MED21: variants seen among roughly 807,000 people sequenced by gnomAD.
MED21 encodes the protein mediator complex subunit 21.
MED21 carries 9 observed loss-of-function variants against 18.2 expected under a neutral mutation model. That is an observed-to-expected ratio of 0.49 (90% confidence interval 0.30 to 0.86). MED21 has a LOEUF of 0.86. Ranked by LOEUF, MED21 falls within the 40% of genes least tolerant of loss-of-function variation. The pLI, the probability that MED21 is intolerant of heterozygous loss-of-function variation, is 0.07. For synonymous variants in MED21, 73 were observed against 60.5 expected (o/e 1.21, Z -0.96); for missense variants, 150 against 170.9 (o/e 0.88, Z 0.68).
intron 1 of MED21, 23 bp from the exon 2 acceptor site, chr12:27,026,397 T>G: frequency 2.0e-6 from 3 of 1,506,420 alleles, no homozygotes; most frequent in Non-Finnish European, 2.8e-6. Flanking sequence ...TTTCTAACCT[T>G]GATATGTTTT....
chr12:27,026,484 A>G lies in MED21; in HGVS notation c.107A>G (p.Asn36Ser), dbSNP rs1309450793. 6 of 1,613,960 alleles carry G rather than the reference A, an allele frequency of 3.7e-6. No individual in the cohort carries two copies. Among genetic ancestry groups the G allele is most frequent in the Non-Finnish European group, 3.4e-6 (4 of 1,179,942 alleles). ...CAATGTGGTCCTCCTGCCTCTTTCAATAATATTCAGACAGCAATTAACAAA... is the reference window on the plus strand; with the variant it reads ...CAATGTGGTCCTCCTGCCTCTTTCAGTAATATTCAGACAGCAATTAACAAA... Reference protein sequence around the residue: ...LQQCGPPASFNNIQTAINKDQ... With the variant: ...LQQCGPPASFSNIQTAINKDQ... Residue 36 changes from asparagine to serine, a missense_variant, in exon 2 of 4, where the codon AAT (asparagine) becomes AGT (serine). Asn to Ser is a conservative substitution (Grantham distance 46, BLOSUM62 1). Coordinates refer to ENST00000282892, the MANE Select transcript of MED21 (RefSeq NM_004264.5).
downstream of MED21, among the ~76,000 whole-genome samples, chr12:27,035,661 T>G (rs1941645561): frequency 6.8e-6 from 1 of 147,134 alleles, no homozygotes; most frequent in African/African-American, 2.5e-5. Context: ...ACTGTTGAAT[T>G]CCCATCTATG....
intron 1 of MED21, among the ~76,000 whole-genome samples, chr12:27,026,187 T>C (rs1307177319): frequency 6.6e-6 from 1 of 152,238 alleles, no homozygotes; most frequent in African/African-American, 2.4e-5. Context: ...CAACTAGATT[T>C]ATATCAAATT....
chr12:27,022,609 C>G lies in MED21; in HGVS notation c.30C>G (p.Asp10Glu). The G allele has an allele frequency of 5.7e-6, 9 of 1,589,330 alleles. No individual in the cohort carries two copies. The highest frequency in any genetic ancestry group is 7.7e-6 in the Non-Finnish European group (9 of 1,163,184). The change falls in exon 1 of 4, where the codon GAC (aspartate) becomes GAG (glutamate). Residue 10 changes from aspartate (D) to glutamate (E), a missense_variant. Transcript: ENST00000282892. Reference sequence around the variant, plus strand: ...CGGATCGGCTCACGCAGCTTCAGGACGCTGTGAATTCGGTGAGGAATTTCA... The same window carrying G: ...CGGATCGGCTCACGCAGCTTCAGGAGGCTGTGAATTCGGTGAGGAATTTCA... MADRLTQLQ[D>E]AVNSLADQFC...
In MED21 at chr12:27,028,355, G is replaced by A. The variant is rs1019166367; in HGVS notation, c.329G>A (p.Arg110Gln). 5.0e-6 allele frequency: 8 copies of A among 1,613,992 alleles called. No individual in the cohort carries two copies. The highest frequency in any genetic ancestry group is 2.2e-5 in the East Asian group (1 of 44,886). The change falls in exon 4 of 4, where the codon CGA becomes CAA. Residue 110 changes from arginine to glutamine, a missense_variant. Arg to Gln is a conservative substitution (Grantham distance 43, BLOSUM62 1). Transcript: ENST00000282892. ...AATCLEDVVYRGDMLLEKIQS... is the reference protein window; with the variant it reads ...AATCLEDVVYQGDMLLEKIQS... ...ACATGTCTGGAGGATGTTGTTTATC[G>A]AGGAGACATGCTTCTGGAGAAGATA... is the stretch of plus-strand genomic sequence containing the variant.
At chr12:27,034,258 A>G (rs889357768), downstream of MED21, among the ~76,000 whole-genome samples, 2 of 152,098 alleles carry the variant, frequency 1.3e-5, no homozygotes, top group African/African-American at 4.8e-5. Flanking sequence ...TCTACTAAAA[A>G]TACAAAAAAT....
Position 27,028,399 on chromosome 12 carries a change from A to G in MED21, c.373A>G (p.Ile125Val). The part of the protein sequence containing the change: ...LEKIQSALAD[I>V]AQSQLKTRSG... ...GAAGATACAAAGCGCACTTGCTGAT[A>G]TTGCACAGTCACAGCTGAAGACAAG... The change falls in exon 4 of 4, where the codon ATT (isoleucine) becomes GTT (valine). Residue 125 changes from isoleucine (I) to valine (V), a missense_variant. Ile to Val is a conservative substitution (Grantham distance 29). Transcript: ENST00000282892. 1 of 1,614,154 alleles carries G rather than the reference A, an allele frequency of 6.2e-7. No individual in the cohort carries two copies. Among genetic ancestry groups the G allele is most frequent in the East Asian group, 2.2e-5 (1 of 44,862 alleles).
Position 27,028,465 on chromosome 12 carries a change from C to T in MED21, c.*4C>T. The T allele has an allele frequency of 6.2e-7, 1 of 1,611,176 alleles. No individual in the cohort carries two copies. Among genetic ancestry groups the T allele is most frequent in the Non-Finnish European group, 8.5e-7 (1 of 1,178,068 alleles). ...CCAGTCTCTTCCAGACTCATAGCAT[C>T]AGTGGATACCATGTGGCTGAGAAAA... On this transcript the variant is annotated 3_prime_UTR_variant, in exon 4 of 4. Transcript: ENST00000282892.
intron 1 of MED21, chr12:27,023,019 A>C: frequency 1.5e-6 from 1 of 686,296 alleles, no homozygotes; most frequent in South Asian, 2.6e-5. Context: ...ATCAATTTTA[A>C]TCCACCAAGG....
downstream of MED21, among the ~76,000 whole-genome samples, chr12:27,032,497 G>A (rs114719139): frequency 1.1e-3 from 165 of 152,322 alleles, no homozygotes; most frequent in African/African-American, 3.7e-3. Flanking sequence ...TAGAGAGGTA[G>A]TAGTATGACA....
Position 27,029,821 on chromosome 12 carries a change from A to C in MED21, c.*1360A>C, listed in dbSNP as rs1592336748. 12 of 997,058 alleles carry C rather than the reference A, an allele frequency of 1.2e-5. No individual in the cohort carries two copies. The highest frequency in any genetic ancestry group is 1.4e-5 in the Non-Finnish European group (12 of 836,988). 61.8% of individuals were successfully genotyped at this position (997,058 alleles called of 1,614,324 possible). A position where few individuals can be genotyped will look rare whatever the true frequency, so the allele number is the denominator to read the frequency against. On this transcript the variant is annotated 3_prime_UTR_variant, in exon 4 of 4. Transcript: ENST00000282892. ...GAAGATTCAGTCAGAAAACTTATTC[A>C]AAGTACCTAAGTATTATAAAGGAGT... is the stretch of plus-strand genomic sequence containing the variant.
downstream of MED21, among the ~76,000 whole-genome samples, chr12:27,032,477 A>G (rs941466020): frequency 3.3e-5 from 5 of 152,224 alleles, no homozygotes; most frequent in Admixed American, 3.3e-4. Flanking sequence ...CATTGAGGAC[A>G]TGCTAAATGT....
downstream of MED21, chr12:27,030,895 T>A (rs1379474993): frequency 6.6e-6 from 1 of 152,296 alleles, no homozygotes; most frequent in Non-Finnish European, 1.5e-5. Context: ...TCCCGTCATC[T>A]TCATTGAATT....
rs1162424958 is a variant in MED21, at chr12:27,029,388, C to T, written c.*927C>T. 17 of 985,094 alleles carry T rather than the reference C, an allele frequency of 1.7e-5. No homozygotes were observed. The highest frequency in any genetic ancestry group is 1.6e-4 in the African/African-American group (9 of 57,192). 61.0% of individuals were successfully genotyped at this position (985,094 alleles called of 1,614,324 possible). On this transcript the variant is annotated 3_prime_UTR_variant, in exon 4 of 4. Coordinates refer to ENST00000282892, the MANE Select transcript of MED21 (RefSeq NM_004264.5). ...TTTCAACTATGGTTATTCATCCAACCCTTGGATCTCTTTGAGTCTACTGAT... is the reference window on the plus strand; with the variant it reads ...TTTCAACTATGGTTATTCATCCAACTCTTGGATCTCTTTGAGTCTACTGAT...
chr12:27,024,285 C>G (rs570619884), intron 1 of MED21, among the ~76,000 whole-genome samples: 1 of 138,098 alleles, frequency 7.2e-6, no homozygotes, highest in South Asian at 2.2e-4. Context: ...TACCTGGTTT[C>G]CTTGCCAGTT....
At chr12:27,036,680 G>A (rs575436880) in intron 2 of MED21, among the ~76,000 whole-genome samples, 55 of 152,194 alleles carry the variant, frequency 3.6e-4, no homozygotes, top group South Asian at 6.2e-4. Context: ...TCCCAGCACC[G>A]TTTATTAAAT....
rs1378206053 is a variant in MED21 at position 27,022,629 on chromosome 12, A to AT, written c.42+11dup. The stretch of plus-strand genomic sequence containing the variant: ...CAGGACGCTGTGAATTCGGTGAGGA[A>AT]TTTCATTCGATTAGCCTCTGTCTTT... On this transcript the variant is annotated intron_variant, in intron 1 of 3. Coordinates refer to ENST00000282892, the MANE Select transcript of MED21 (RefSeq NM_004264.5). 6.3e-7 allele frequency: 1 copy of AT among 1,596,330 alleles called. No homozygotes were observed. The highest frequency in any genetic ancestry group is 8.6e-7 in the Non-Finnish European group (1 of 1,167,526).
downstream of MED21, among the ~76,000 whole-genome samples, chr12:27,035,403 CT>C (rs374063412): frequency 0.34 from 47,135 of 137,174 alleles, 9,133 homozygotes; most frequent in Non-Finnish European, 0.49. Flanking sequence ...AACTAAATCT[CT>C]TTTTTTTTTT....
chr12:27,037,668 G>A (rs1168383456), intron 2 of MED21: 1 of 152,094 alleles, frequency 6.6e-6, no homozygotes, highest in African/African-American at 2.4e-5. Flanking sequence ...TTTAGAAAAT[G>A]TATTTTTTGT....
Sources: allele counts gnomAD v4.1 joint callset (sites outside exome capture counted in the v4.1 genomes callset), GRCh38; gene constraint gnomAD v4.1.1; transcripts MANE v1.5; gene names NCBI Gene and HGNC (gene_info 2026-07-23, HGNC 2026-07-21).